The following USP34 variants were observed in gnomAD, a reference collection of about 807,000 sequenced individuals.
USP34 encodes the protein ubiquitin carboxyl-terminal hydrolase 34.
In USP34, 70 loss-of-function variants were observed where a neutral mutation model predicts 460.3. The ratio of observed to expected loss-of-function variants is 0.15; its 90% CI spans 0.13 to 0.19. The LOEUF (loss-of-function observed/expected upper bound fraction) is 0.19. Ranked by LOEUF, USP34 falls within the 10% of genes least tolerant of loss-of-function variation. The pLI is 1.00. For missense variants in USP34, 3,985 were observed against 4,236.2 expected (o/e 0.94, Z 1.65); for synonymous variants, 1,647 against 1,405.3 (o/e 1.17, Z -3.85).
intron 5 of USP34, among the ~76,000 whole-genome samples, chr2:61,391,873 G>A (rs1265683295): frequency 6.6e-6 from 1 of 152,086 alleles, no homozygotes; most frequent in Non-Finnish European, 1.5e-5. Context: ...AGGAAAAGAT[G>A]CCTATTAAAG....
intron 70 of USP34, 75 bp from the exon 71 acceptor site, chr2:61,206,961 C>G: frequency 6.8e-7 from 1 of 1,476,074 alleles, no homozygotes; most frequent in Non-Finnish European, 9.2e-7. Flanking sequence ...AGTACTCGTC[C>G]TCTACGATAG....
rs542361721 is a variant in USP34, at chr2:61,232,491, C to A, written c.7074G>T (p.Met2358Ile). The A allele has an allele frequency of 1.2e-6, 2 of 1,611,272 alleles. No individual in the cohort carries two copies. The highest frequency in any genetic ancestry group is 1.7e-6 in the Non-Finnish European group (2 of 1,179,354). ...GATTAGGGCACTTAATTAGTATCTG[C>A]ATTGGCCACCAGTCGTCATCAGCCA... ...DRMADDDWWPMQILIKCPNQI... is the reference protein window; with the variant it reads ...DRMADDDWWPIQILIKCPNQI... Residue 2358 changes from methionine (M) to isoleucine (I), a missense_variant, in exon 58 of 80, where the codon ATG (methionine) becomes ATT (isoleucine). Physicochemically the swap from Met to Ile is conservative, Grantham distance 10. This residue lies in a region of USP34 where 604 missense variants were observed against 684.8 expected (regional missense o/e 0.88). Coordinates refer to ENST00000398571, the MANE Select transcript of USP34 (RefSeq NM_014709.4).
chr2:61,301,118 C>T lies in USP34; in HGVS notation c.3961G>A (p.Gly1321Arg). 9.3e-6 allele frequency: 15 copies of T among 1,613,930 alleles called. No individual in the cohort carries two copies. Among genetic ancestry groups the T allele is most frequent in the Non-Finnish European group, 1.3e-5 (15 of 1,179,974 alleles). ...SLGAPRRERK[G>R]EGVQLPASCL... ...GATGCTGGCAGCTGAACACCTTCCC[C>T]TTTCCGCTCTCTCCTTGGTGCACCC... The change falls in exon 29 of 80, where the codon GGG becomes AGG. Residue 1321 changes from glycine to arginine, a missense_variant. Transcript: ENST00000398571.
intron 49 of USP34, 40 bp from the exon 50 acceptor site, chr2:61,246,517 T>A (rs1223767199): frequency 1.5e-6 from 2 of 1,328,372 alleles, no homozygotes; most frequent in East Asian, 5.4e-5. Context: ...TTTTCCAAAC[T>A]TCACAACAGT....
intron 44 of USP34, among the ~76,000 whole-genome samples, chr2:61,258,436 T>C (rs1051818947): frequency 5.3e-5 from 8 of 152,312 alleles, no homozygotes; most frequent in Admixed American, 4.6e-4. Flanking sequence ...CAAAGAGGCA[T>C]GGTGACTTGG....
chr2:61,232,700 G>C (rs577378804), intron 57 of USP34, among the ~76,000 whole-genome samples, 168 bp from the exon 58 acceptor site: 2 of 151,676 alleles, frequency 1.3e-5, no homozygotes, highest in Admixed American at 6.6e-5. Flanking sequence ...TCATAATAAG[G>C]GTTACCTCAT....
At chr2:61,461,318 G>A (rs1019753923) in intron 1 of USP34, among the ~76,000 whole-genome samples, 1 of 151,528 alleles carries the variant, frequency 6.6e-6, no homozygotes, top group Non-Finnish European at 1.5e-5. Flanking sequence ...ACTTGAACCT[G>A]GGAGGCAGAG....
chr2:61,314,014 C>T (rs917835237), intron 25 of USP34, among the ~76,000 whole-genome samples: 1 of 151,714 alleles, frequency 6.6e-6, no homozygotes, highest in Admixed American at 6.6e-5. Context: ...TCATTTCAGT[C>T]GATATATTCA....
At chr2:61,301,192 A>C (rs1455328633) in intron 28 of USP34, 32 bp from the exon 29 acceptor site, 2 of 1,571,240 alleles carry the variant, frequency 1.3e-6, no homozygotes, top group Non-Finnish European at 1.7e-6. Context: ...ATTTATGCAT[A>C]TCAAGCTTTT....
intron 1 of USP34, among the ~76,000 whole-genome samples, chr2:61,450,162 G>A (rs1381284485): frequency 1.3e-5 from 2 of 152,014 alleles, no homozygotes; most frequent in Non-Finnish European, 2.9e-5. Flanking sequence ...AAAGCATTAT[G>A]CTAAGTGAAA....
rs748346981 is a variant in USP34, at chr2:61,245,207, T to A, written c.6627+3A>T. The A allele has an allele frequency of 1.3e-5, 21 of 1,608,612 alleles. No individual in the cohort carries two copies. The highest frequency in any genetic ancestry group is 6.8e-6 in the Non-Finnish European group (8 of 1,176,514). On this transcript the variant is annotated splice_donor_region_variant and intron_variant, in intron 51 of 79. Transcript: ENST00000398571. ...CCATTTATAATTTCTGAATAAAACT[T>A]ACCGTCATCTCTCCACCAAAACATT...
At position 61,301,347 on chromosome 2, in the gene USP34, T is replaced by G; in HGVS notation, c.3918+7A>C. ...ATTAAAACTCAAACCACGTTTTATA[T>G]ATGTACCTGCATATCCTTAAAACCA... On this transcript the variant is annotated splice_region_variant and intron_variant, in intron 28 of 79. Coordinates refer to ENST00000398571, the MANE Select transcript of USP34 (RefSeq NM_014709.4). 6.2e-7 allele frequency: 1 copy of G among 1,612,056 alleles called. No homozygotes were observed. The highest frequency in any genetic ancestry group is 8.5e-7 in the Non-Finnish European group (1 of 1,179,152).
intron 53 of USP34, among the ~76,000 whole-genome samples, chr2:61,236,696 CA>C (rs1419469328): frequency 1.3e-5 from 2 of 152,078 alleles, no homozygotes; most frequent in Non-Finnish European, 2.9e-5. Context: ...AAATATAAGT[CA>C]TGTTACATTC....
At chr2:61,275,407 A>C (rs767187368) in intron 41 of USP34, among the ~76,000 whole-genome samples, 10 of 152,228 alleles carry the variant, frequency 6.6e-5, no homozygotes, top group African/African-American at 1.2e-4. Flanking sequence ...ACTTAAGGGC[A>C]GGAGTTTAAG....
chr2:61,248,744 T>C (rs1400190503), intron 48 of USP34, 61 bp from the exon 49 acceptor site: 6 of 1,445,478 alleles, frequency 4.2e-6, no homozygotes, highest in Non-Finnish European at 4.7e-6. Context: ...GTTGGTTTGA[T>C]TTCTGTTATG....
intron 2 of USP34, among the ~76,000 whole-genome samples, chr2:61,415,867 T>C (rs1558581610): frequency 1.3e-5 from 2 of 152,238 alleles, no homozygotes; most frequent in African/African-American, 2.4e-5. Context: ...AATGCACTTA[T>C]GTTTTTAAAA....
rs928382308 is a variant in USP34, at chr2:61,230,485, T to C, written c.7114-852A>G. ...GTTGCAGTGAGACGTGATCACGCCA[T>C]TGCACTCCAGCCTGGTTGACAGAGT... is the stretch of plus-strand genomic sequence containing the variant. On this transcript the variant is annotated intron_variant, in intron 58 of 79. Transcript: ENST00000398571. 1.1e-4 allele frequency among the ~76,000 whole-genome samples: 17 copies of C among 151,936 alleles called. No individual in the cohort carries two copies. The East Asian group carries it at 1.2e-3, about 10-fold the overall frequency.
At chr2:61,342,471 A>T (rs992545533) in intron 16 of USP34, among the ~76,000 whole-genome samples, 14 of 143,672 alleles carry the variant, frequency 9.7e-5, no homozygotes, top group East Asian at 8.1e-4. Context: ...CAGCTAATTT[A>T]TTTTTTTTTT....
chr2:61,327,583 G>C (rs978933924), intron 20 of USP34, among the ~76,000 whole-genome samples: 1 of 152,172 alleles, frequency 6.6e-6, no homozygotes, highest in African/African-American at 2.4e-5. Flanking sequence ...GGAGAATAAA[G>C]TCTTGCCCTT....
Sources: gnomAD v4.1 joint callset for allele counts (sites outside exome capture counted in the v4.1 genomes callset) on GRCh38, gnomAD v4.1.1 for gene constraint, gnomAD v4.1.1 regional missense constraint, MANE v1.5 for transcripts, NCBI Gene and HGNC (gene_info 2026-07-23, HGNC 2026-07-21) for gene names.